Variants in PLSCR5 observed in about 807,000 individuals in gnomAD.
PLSCR5 encodes phospholipid scramblase family, member 5.
PLSCR5 carries 44 observed loss-of-function variants against 33.6 expected under a neutral mutation model. That is an observed-to-expected ratio of 1.31 (90% confidence interval 1.03 to 1.69). The LOEUF is 1.69. Ranked by LOEUF, PLSCR5 falls within the 40% of genes most tolerant of loss-of-function variation. The pLI is 0.00. For missense variants in PLSCR5, 375 were observed against 318.7 expected (o/e 1.18, Z -1.34); for synonymous variants, 148 against 112.3 (o/e 1.32, Z -2.01).
rs76242123 is a variant in PLSCR5 at position 146,579,222 on chromosome 3, C to T, written c.*45-2497G>A. Among the ~76,000 whole-genome samples the T allele has an allele frequency of 2.5e-4, 38 of 151,926 alleles. No individual in the cohort carries two copies. In the East Asian group the frequency reaches 7.0e-3, roughly 28 times the overall value. ...ATTTTTTCTTCCAAGGTGAGCAAAA[C>T]ACAATGTAAGGAGAAATGATAAAAA... On this transcript the variant is annotated intron_variant, in intron 7 of 7. Coordinates refer to the PLSCR5 transcript ENST00000482567.
At chr3:146,600,087 T>C (rs1269611216) in intron 2 of PLSCR5, among the ~76,000 whole-genome samples, 4 of 152,168 alleles carry the variant, frequency 2.6e-5, no homozygotes, top group African/African-American at 4.8e-5. Flanking sequence ...ATAAGGAAGA[T>C]AAAAGTAGTA....
downstream of PLSCR5, among the ~76,000 whole-genome samples, chr3:146,583,392 G>A (rs2044646946): frequency 7.9e-6 from 1 of 125,972 alleles, no homozygotes; most frequent in Admixed American, 7.5e-5. Flanking sequence ...AAACAGAGTT[G>A]GAGTAAACAG....
At chr3:146,589,441 A>C (rs988418966) in intron 6 of PLSCR5, among the ~76,000 whole-genome samples, 4 of 152,154 alleles carry the variant, frequency 2.6e-5, no homozygotes, top group African/African-American at 9.6e-5. Context: ...ATCTTTGAGA[A>C]AGGGGATATG....
intron 5 of PLSCR5, 151 bp downstream of exon 5, chr3:146,591,569 T>C: frequency 4.8e-6 from 4 of 835,236 alleles, no homozygotes; most frequent in Non-Finnish European, 7.4e-6. Flanking sequence ...ATTCTTAGCA[T>C]GTACAATATG....
chr3:146,601,956 G>A (rs531914872), intron 1 of PLSCR5, among the ~76,000 whole-genome samples: 242 of 152,076 alleles, frequency 1.6e-3, no homozygotes, highest in African/African-American at 5.6e-3. Context: ...AAGGTTGTAC[G>A]AATAAACTGA....
Position 146,596,445 on chromosome 3 carries a change from C to A in PLSCR5, c.190-1362G>T, listed in dbSNP as rs567382610. ...GCCTCAAGTGATCCACCCATCTCAG[C>A]CTCCCAAAGTGCTGGCATTACAGGT... On this transcript the variant is annotated intron_variant, in intron 2 of 7. Coordinates refer to ENST00000443512, the MANE Select transcript of PLSCR5 (RefSeq NM_001085420.2). Among the ~76,000 whole-genome samples, 24 of 152,316 alleles carry A rather than the reference C, an allele frequency of 1.6e-4. 1 individual carries two copies. In the South Asian group the frequency reaches 4.3e-3, roughly 28 times the overall value.
At chr3:146,590,790 G>A (rs1412449409) in intron 5 of PLSCR5, among the ~76,000 whole-genome samples, 1 of 151,998 alleles carries the variant, frequency 6.6e-6, no homozygotes, top group Non-Finnish European at 1.5e-5. Flanking sequence ...GTTTCCTGAA[G>A]TCCTGAGAAC....
At chr3:146,583,912 C>T (rs1287788705), downstream of PLSCR5, among the ~76,000 whole-genome samples, 1 of 152,094 alleles carries the variant, frequency 6.6e-6, no homozygotes, top group Non-Finnish European at 1.5e-5. Flanking sequence ...TCAGCTGTTG[C>T]TGCTATGACA....
At chr3:146,586,309 A>G (rs2044665419) in intron 6 of PLSCR5, among the ~76,000 whole-genome samples, 197 bp from the exon 7 acceptor site, 1 of 152,172 alleles carries the variant, frequency 6.6e-6, no homozygotes, top group South Asian at 2.1e-4. Flanking sequence ...TTTTCAGAGT[A>G]TAAGTAACTT....
downstream of PLSCR5, among the ~76,000 whole-genome samples, chr3:146,585,033 G>A (rs10513293): frequency 0.26 from 39,609 of 151,950 alleles, 5,178 homozygotes; most frequent in African/African-American, 0.27. Context: ...TTTGGAAGAA[G>A]GAGAGAATAA....
At chr3:146,588,721 A>G (rs1021436830) in intron 6 of PLSCR5, among the ~76,000 whole-genome samples, 1 of 152,162 alleles carries the variant, frequency 6.6e-6, no homozygotes, top group African/African-American at 2.4e-5. Context: ...TGTAGATTAG[A>G]TAATAGCATT....
At chr3:146,602,448 G>C (rs890516878) in intron 1 of PLSCR5, among the ~76,000 whole-genome samples, 8 of 152,020 alleles carry the variant, frequency 5.3e-5, no homozygotes, top group Non-Finnish European at 1.0e-4. Context: ...CAGAATAGTG[G>C]TCCATCTTGG....
At chr3:146,595,137 C>A in intron 2 of PLSCR5, 54 bp from the exon 3 acceptor site, 2 of 1,103,814 alleles carry the variant, frequency 1.8e-6, no homozygotes, top group Non-Finnish European at 1.2e-6. Context: ...CACGGAAAAC[C>A]TTTGGAGATA....
At chr3:146,579,283 A>T (rs2044618508) in intron 7 of PLSCR5, among the ~76,000 whole-genome samples, 1 of 152,210 alleles carries the variant, frequency 6.6e-6, no homozygotes, top group Non-Finnish European at 1.5e-5. Context: ...GCTTAATTTG[A>T]AAAGTCAAAA....
intron 2 of PLSCR5, among the ~76,000 whole-genome samples, chr3:146,597,717 G>A (rs114220906): frequency 0.021 from 3,154 of 152,194 alleles, 112 homozygotes; most frequent in African/African-American, 0.073. Flanking sequence ...ACTTTAAACA[G>A]ATTGAATTAT....
intron 5 of PLSCR5, chr3:146,590,460 C>T (rs949963259): frequency 2.0e-5 from 3 of 151,958 alleles, no homozygotes; most frequent in African/African-American, 7.2e-5. Context: ...GAAGTTAAGA[C>T]CAACTAGACA....
At position 146,591,710 on chromosome 3, in the gene PLSCR5, T is replaced by C. The variant is rs756720288; in HGVS notation, c.615+10A>G. The C allele has an allele frequency of 1.2e-6, 2 of 1,601,940 alleles. No individual in the cohort carries two copies. Among genetic ancestry groups the C allele is most frequent in the Non-Finnish European group, 1.7e-6 (2 of 1,175,088 alleles). On this transcript the variant is annotated intron_variant, in intron 5 of 7. Transcript: ENST00000443512. Reference sequence around the variant, plus strand: ...CTAAATGAAAACTTCTTTCATTTTGTCAATTGTACCTCAAAATCCACATCG... The same window carrying C: ...CTAAATGAAAACTTCTTTCATTTTGCCAATTGTACCTCAAAATCCACATCG...
intron 5 of PLSCR5, among the ~76,000 whole-genome samples, chr3:146,590,987 G>GTTTTTTTTT (rs376959020): frequency 1.1e-5 from 1 of 88,096 alleles, no homozygotes. Flanking sequence ...CGAGAATAAG[G>GTTTTTTTTT]TTTTTTTTTG....
chr3:146,593,967 T>C lies in PLSCR5; in HGVS notation c.406A>G (p.Arg136Gly). 1 of 1,613,832 alleles carries C rather than the reference T, an allele frequency of 6.2e-7. No individual in the cohort carries two copies. The highest frequency in any genetic ancestry group is 2.2e-5 in the East Asian group (1 of 44,874). Reference sequence around the variant, plus strand: ...CAGCAGCTGTTACATCTCAAGGGCCTGTTCACTGTAATGACCTCTCGACCT... The same window carrying C: ...CAGCAGCTGTTACATCTCAAGGGCCCGTTCACTGTAATGACCTCTCGACCT... Reference protein sequence around the residue: ...NSGREVITVNRPLRCNSCWCP... With the variant: ...NSGREVITVNGPLRCNSCWCP... Residue 136 changes from arginine (R) to glycine (G), a missense_variant, in exon 4 of 8, where the codon AGG becomes GGG. By Grantham distance (125) the Arg-to-Gly change is moderately radical. Coordinates refer to ENST00000443512, the MANE Select transcript of PLSCR5 (RefSeq NM_001085420.2).
Sources: allele counts gnomAD v4.1 joint callset (sites outside exome capture counted in the v4.1 genomes callset), GRCh38; gene constraint gnomAD v4.1.1; transcripts MANE v1.5; gene names NCBI Gene and HGNC (gene_info 2026-07-23, HGNC 2026-07-21).